The following ARHGEF28 variants were observed in gnomAD, a reference collection of about 807,000 sequenced individuals.
The protein encoded by ARHGEF28 is 190 kDa guanine nucleotide exchange factor.
ARHGEF28 carries 152 observed loss-of-function variants against 206.6 expected under a neutral mutation model. That is an observed-to-expected ratio of 0.74 (90% CI 0.64 to 0.84). The LOEUF (loss-of-function observed/expected upper bound fraction) is 0.84. ARHGEF28 is among the 40% of genes least tolerant of loss of function. ARHGEF28 has a pLI of 0.00. For missense variants in ARHGEF28, 2,028 were observed against 2,073.2 expected (o/e 0.98, Z 0.42); for synonymous variants, 763 against 776.4 (o/e 0.98, Z 0.29).
rs1761843589 is a variant in ARHGEF28, at chr5:73,894,514, T to C, written c.3780T>C (p.Ile1260=). 6.2e-7 allele frequency: 1 copy of C among 1,613,852 alleles called. No individual in the cohort carries two copies. Among genetic ancestry groups the C allele is most frequent in the African/African-American group, 1.3e-5 (1 of 74,916 alleles). Reference sequence around the variant, plus strand: ...TCCATCTAGAGCCCCACCTCCTTATTAAACCTGACCCAGGCGAGCCTCCCC... The same window carrying C: ...TCCATCTAGAGCCCCACCTCCTTATCAAACCTGACCCAGGCGAGCCTCCCC... ...EDVHLEPHLL[I]KPDPGEPPQA... is the part of the protein sequence containing the mutation. The change falls in exon 29 of 36, where the codon ATT becomes ATC. Residue 1260 remains isoleucine (I), a synonymous_variant. Coordinates refer to ENST00000513042, the MANE Select transcript of ARHGEF28 (RefSeq NM_001177693.2).
chr5:73,893,506 A>G (rs1761776806), intron 28 of ARHGEF28: 1 of 420,986 alleles, frequency 2.4e-6, no homozygotes, highest in African/African-American at 2.0e-5. Context: ...TAAAAAATGC[A>G]CATAACATAT....
chr5:73,628,739 GT>G (rs1401710799), intron 1 of ARHGEF28, among the ~76,000 whole-genome samples: 4 of 152,202 alleles, frequency 2.6e-5, no homozygotes, highest in Non-Finnish European at 5.9e-5. Flanking sequence ...TGCTAAAGTT[GT>G]GCTGTAAATA....
At chr5:73,913,239 C>T (rs1443816713) in intron 35 of ARHGEF28, among the ~76,000 whole-genome samples, 1 of 152,202 alleles carries the variant, frequency 6.6e-6, no homozygotes, top group Non-Finnish European at 1.5e-5. Flanking sequence ...TCAACTGTGG[C>T]TTAAATCTCT....
intron 35 of ARHGEF28, among the ~76,000 whole-genome samples, chr5:73,912,638 G>A (rs1315785133): frequency 2.0e-5 from 3 of 152,090 alleles, no homozygotes; most frequent in Non-Finnish European, 4.4e-5. Flanking sequence ...TCAGCATATA[G>A]GAGAGAATGA....
At chr5:73,831,356 C>G (rs1257636724) in intron 9 of ARHGEF28, among the ~76,000 whole-genome samples, 5 of 152,222 alleles carry the variant, frequency 3.3e-5, no homozygotes, top group Non-Finnish European at 7.3e-5. Flanking sequence ...TTGCCTTTGA[C>G]TCTTCATTCT....
chr5:73,663,835 G>A (rs1011861065), intron 1 of ARHGEF28, among the ~76,000 whole-genome samples: 1 of 152,194 alleles, frequency 6.6e-6, no homozygotes. Context: ...ACTTTCACAA[G>A]TCTGTTTTGT....
intron 2 of ARHGEF28, among the ~76,000 whole-genome samples, chr5:73,716,462 A>AT (rs1244866323): frequency 6.6e-6 from 1 of 152,190 alleles, no homozygotes; most frequent in Non-Finnish European, 1.5e-5. Flanking sequence ...GATAATGCTT[A>AT]TTGCTAGTGC....
chr5:73,916,289 G>A lies in ARHGEF28; in HGVS notation c.4948+4714G>A, dbSNP rs539655614. ...AGAAGCTTTGCCCAAAGAACTTTAG[G>A]CAATTTTCCTGGAAATTGAAACTGG... On this transcript the variant is annotated intron_variant, in intron 35 of 35. Transcript: ENST00000513042. Among the ~76,000 whole-genome samples, 103 of 152,202 alleles carry A rather than the reference G, an allele frequency of 6.8e-4. 1 individual carries two copies. Among genetic ancestry groups the A allele is most frequent in the African/African-American group, 2.3e-3 (97 of 41,542 alleles).
intron 1 of ARHGEF28, among the ~76,000 whole-genome samples, chr5:73,660,825 A>G (rs1323653821): frequency 3.3e-5 from 5 of 152,216 alleles, no homozygotes; most frequent in Non-Finnish European, 4.4e-5. Flanking sequence ...TCAGTAAACC[A>G]TGCTGTAGGA....
At chr5:73,727,954 G>T (rs149004708) in intron 2 of ARHGEF28, among the ~76,000 whole-genome samples, 47 of 152,318 alleles carry the variant, frequency 3.1e-4, no homozygotes, top group Admixed American at 1.6e-3. Context: ...GCTTACTGCT[G>T]TCTGAAATCT....
chr5:73,761,127 TG>T (rs149539506), intron 4 of ARHGEF28, among the ~76,000 whole-genome samples: 31,080 of 152,166 alleles, frequency 0.2, 3,581 homozygotes, highest in Non-Finnish European at 0.26. Flanking sequence ...GTCCCATTCC[TG>T]GCTTACCTCC....
intron 9 of ARHGEF28, among the ~76,000 whole-genome samples, chr5:73,826,071 T>C (rs1756889143): frequency 6.6e-6 from 1 of 152,044 alleles, no homozygotes; most frequent in African/African-American, 2.4e-5. Flanking sequence ...AGGAACCTGC[T>C]ATAGGGCCTG....
Position 73,846,257 on chromosome 5 carries a change from T to G in ARHGEF28, c.1428-11T>G, listed in dbSNP as rs1249200397. 6 of 1,612,150 alleles carry G rather than the reference T, an allele frequency of 3.7e-6. No homozygotes were observed. The highest frequency in any genetic ancestry group is 3.4e-6 in the Non-Finnish European group (4 of 1,179,250). The stretch of plus-strand genomic sequence containing the variant: ...TTGCTTCTTTACTTACTTGCTGGCT[T>G]TGTGCTTTAGTTCTAGCCTTGATGC... On this transcript the variant is annotated splice_polypyrimidine_tract_variant and intron_variant, in intron 11 of 35. Transcript: ENST00000513042.
intron 1 of ARHGEF28, among the ~76,000 whole-genome samples, chr5:73,641,857 G>T (rs989920357): frequency 6.6e-6 from 1 of 152,176 alleles, no homozygotes; most frequent in African/African-American, 2.4e-5. Flanking sequence ...TAATGAAGAG[G>T]ATGATGGCCA....
At chr5:73,817,708 T>C (rs1424562055) in intron 9 of ARHGEF28, among the ~76,000 whole-genome samples, 1 of 152,122 alleles carries the variant, frequency 6.6e-6, no homozygotes, top group African/African-American at 2.4e-5. Context: ...AGAGGAGAAA[T>C]GAGTTGCCAC....
At chr5:73,651,146 T>G (rs1050724015) in intron 1 of ARHGEF28, among the ~76,000 whole-genome samples, 2 of 152,196 alleles carry the variant, frequency 1.3e-5, no homozygotes, top group African/African-American at 2.4e-5. Flanking sequence ...TAACAGTCAC[T>G]GGGTTTGGTT....
intron 2 of ARHGEF28, among the ~76,000 whole-genome samples, chr5:73,690,525 CAAAA>C (rs71615796): frequency 1.7e-4 from 4 of 23,354 alleles, no homozygotes; most frequent in Admixed American, 4.4e-4. Context: ...TCTGTCTTTA[CAAAA>C]AAAAAAAAAA....
chr5:73,821,994 T>A (rs1171336041), intron 9 of ARHGEF28, among the ~76,000 whole-genome samples: 2 of 152,178 alleles, frequency 1.3e-5, no homozygotes, highest in Non-Finnish European at 2.9e-5. Flanking sequence ...TTCCCCATCT[T>A]CTCCTGACTT....
At position 73,730,813 on chromosome 5, in the gene ARHGEF28, T is replaced by G. The variant is rs181840630; in HGVS notation, c.34-19024T>G. Reference sequence around the variant, plus strand: ...ATTTTAGATTTGAAAATGAAAAATTTATTCTCTAGTTTATCCTAAAAATTA... The same window carrying G: ...ATTTTAGATTTGAAAATGAAAAATTGATTCTCTAGTTTATCCTAAAAATTA... On this transcript the variant is annotated intron_variant, in intron 2 of 35. Transcript: ENST00000513042. Among the ~76,000 whole-genome samples, 523 of 152,328 alleles carry G rather than the reference T, an allele frequency of 3.4e-3. 2 individuals are homozygous for G. The highest frequency in any genetic ancestry group is 0.01 in the Middle Eastern group (3 of 294).
Sources: gnomAD v4.1 joint callset for allele counts (sites outside exome capture counted in the v4.1 genomes callset) on GRCh38, gnomAD v4.1.1 for gene constraint, MANE v1.5 for transcripts, NCBI Gene and HGNC (gene_info 2026-07-23, HGNC 2026-07-21) for gene names.